The following ARSB variants were observed in gnomAD, a reference collection of about 807,000 sequenced individuals.
The protein encoded by ARSB is arylsulfatase B.
In ARSB, 41 loss-of-function variants were observed where a neutral mutation model predicts 50.9. The ratio of observed to expected loss-of-function variants is 0.81; its 90% CI spans 0.63 to 1.04. The LOEUF is 1.04. Ranked by LOEUF, ARSB falls within the 50% of genes least tolerant of loss-of-function variation. ARSB has a pLI of 0.00. For missense variants in ARSB, 672 were observed against 693.3 expected (o/e 0.97, Z 0.35); for synonymous variants, 269 against 284.8 (o/e 0.94, Z 0.56).
At chr5:78,874,126 G>A (rs1390575169) in intron 5 of ARSB, among the ~76,000 whole-genome samples, 2 of 152,146 alleles carry the variant, frequency 1.3e-5, no homozygotes, top group Non-Finnish European at 2.9e-5. Context: ...TATTTTAACC[G>A]GTTGAGCTGG....
intron 3 of ARSB, among the ~76,000 whole-genome samples, chr5:78,962,524 A>ATTTTTTT (rs10683109): frequency 0.029 from 3,062 of 106,112 alleles, 327 homozygotes; most frequent in African/African-American, 0.11. Flanking sequence ...CATGTGCTCG[A>ATTTTTTT]TTTTTTTTTT....
intron 5 of ARSB, among the ~76,000 whole-genome samples, chr5:78,854,590 A>T (rs1746044171): frequency 6.6e-6 from 1 of 152,196 alleles, no homozygotes; most frequent in South Asian, 2.1e-4. Context: ...GATATTTGAG[A>T]TCATTGCAGT....
intron 4 of ARSB, among the ~76,000 whole-genome samples, chr5:78,906,134 T>C (rs915890190): frequency 1.3e-5 from 2 of 150,436 alleles, no homozygotes; most frequent in Non-Finnish European, 3.0e-5. Context: ...CCAGGCAACA[T>C]AGTGTGATCC....
chr5:78,818,698 A>T (rs1453048004), intron 6 of ARSB, among the ~76,000 whole-genome samples: 2 of 137,210 alleles, frequency 1.5e-5, no homozygotes, highest in Non-Finnish European at 3.0e-5. Flanking sequence ...GCTCACTGCA[A>T]GCTCCGCCTC....
intron 4 of ARSB, among the ~76,000 whole-genome samples, chr5:78,891,700 G>A (rs753402462): frequency 3.9e-5 from 6 of 152,268 alleles, no homozygotes; most frequent in Non-Finnish European, 7.4e-5. Flanking sequence ...GGGAGCAGGA[G>A]GCCTTATGCA....
intron 4 of ARSB, among the ~76,000 whole-genome samples, chr5:78,912,986 T>C (rs1164482793): frequency 5.3e-5 from 8 of 152,178 alleles, no homozygotes; most frequent in Admixed American, 4.6e-4. Flanking sequence ...AGCTAGGAGA[T>C]AGGGCTCATT....
intron 7 of ARSB, among the ~76,000 whole-genome samples, chr5:78,781,106 T>C (rs1217647932): frequency 3.9e-5 from 6 of 152,232 alleles, no homozygotes; most frequent in Non-Finnish European, 8.8e-5. Context: ...ATTGAAAAGA[T>C]ATCACTCTTA....
At chr5:78,849,219 A>G (rs1354394669) in intron 5 of ARSB, among the ~76,000 whole-genome samples, 2 of 152,132 alleles carry the variant, frequency 1.3e-5, no homozygotes, top group East Asian at 3.9e-4. Context: ...TAAGTCTTTA[A>G]TCCATCTTGA....
intron 4 of ARSB, among the ~76,000 whole-genome samples, chr5:78,917,101 T>C (rs1749587787): frequency 6.6e-6 from 1 of 152,152 alleles, no homozygotes; most frequent in Admixed American, 6.5e-5. Flanking sequence ...ACTTCTGAGC[T>C]GAGAATTAAA....
In ARSB at chr5:78,812,592, A is replaced by AACACACACACACAC. The variant is rs66597603; in HGVS notation, c.1213+26750_1213+26763dup. Among the ~76,000 whole-genome samples, 225 of 144,356 alleles carry AACACACACACACAC rather than the reference A, an allele frequency of 1.6e-3. 1 individual carries two copies. The highest frequency in any genetic ancestry group is 2.8e-3 in the African/African-American group (108 of 39,008). The allele number at this position is 144,356 out of a possible 152,430, so 94.7% of individuals were successfully genotyped here. A position where few individuals can be genotyped will look rare whatever the true frequency, so the allele number is the denominator to read the frequency against. On this transcript the variant is annotated intron_variant, in intron 6 of 7. Transcript: ENST00000264914. ...TGAAGTCATATGAACATTCTGTTCA[A>AACACACACACACAC]ACACACACACACACACACACACACA...
intron 4 of ARSB, among the ~76,000 whole-genome samples, chr5:78,953,084 A>G (rs1371190389): frequency 6.6e-6 from 1 of 152,156 alleles, no homozygotes; most frequent in Non-Finnish European, 1.5e-5. Context: ...TTTTTTCTGA[A>G]GAGTAAGTTT....
intron 3 of ARSB, among the ~76,000 whole-genome samples, chr5:78,958,621 T>C (rs1580126859): frequency 6.6e-6 from 1 of 152,184 alleles, no homozygotes; most frequent in African/African-American, 2.4e-5. Flanking sequence ...CTCTAAATTA[T>C]GCCAAGGGGA....
At chr5:78,805,313 C>T (rs1315123289) in intron 6 of ARSB, among the ~76,000 whole-genome samples, 1 of 152,210 alleles carries the variant, frequency 6.6e-6, no homozygotes, top group Non-Finnish European at 1.5e-5. Context: ...GAGCATAAGT[C>T]AGCCAACGAG....
At chr5:78,942,062 G>T (rs1385654615) in intron 4 of ARSB, among the ~76,000 whole-genome samples, 1 of 152,102 alleles carries the variant, frequency 6.6e-6, no homozygotes, top group Non-Finnish European at 1.5e-5. Flanking sequence ...TTTCTAGTTT[G>T]TTTGCGTAGA....
chr5:78,895,097 C>T (rs1748504364), intron 4 of ARSB, among the ~76,000 whole-genome samples: 1 of 152,200 alleles, frequency 6.6e-6, no homozygotes, highest in Admixed American at 6.5e-5. Context: ...CCACAATAGG[C>T]ACCACGAAGT....
intron 4 of ARSB, among the ~76,000 whole-genome samples, chr5:78,943,214 T>C (rs1751027049): frequency 6.6e-6 from 1 of 152,356 alleles, no homozygotes; most frequent in South Asian, 2.1e-4. Context: ...AGCATACTGA[T>C]GGGTCTTGAC....
intron 5 of ARSB, among the ~76,000 whole-genome samples, chr5:78,861,731 C>T (rs187747755): frequency 1.7e-4 from 26 of 152,282 alleles, no homozygotes; most frequent in Middle Eastern, 3.4e-3. Flanking sequence ...TTCACCACTC[C>T]TATTCAATAT....
intron 4 of ARSB, among the ~76,000 whole-genome samples, chr5:78,943,647 A>G (rs1751055103): frequency 6.6e-6 from 1 of 152,168 alleles, no homozygotes; most frequent in Non-Finnish European, 1.5e-5. Context: ...CGAGAGACCG[A>G]CTGTTAGTCT....
chr5:78,839,652 A>G (rs1259121293), intron 5 of ARSB, among the ~76,000 whole-genome samples: 1 of 152,204 alleles, frequency 6.6e-6, no homozygotes, highest in African/African-American at 2.4e-5. Context: ...CAAGCATATG[A>G]AGATATTTTA....
Sources: allele counts gnomAD v4.1 joint callset (sites outside exome capture counted in the v4.1 genomes callset), GRCh38; gene constraint gnomAD v4.1.1; transcripts MANE v1.5; gene names NCBI Gene and HGNC (gene_info 2026-07-23, HGNC 2026-07-21).